FARS2: variants seen among roughly 807,000 people sequenced by gnomAD.
The protein encoded by FARS2 is phenylalanyl-tRNA synthetase 2, mitochondrial, also known as phenylalanine--tRNA ligase, mitochondrial.
A neutral mutation model predicts 46.4 loss-of-function variants in FARS2; 40 were observed. The ratio of observed to expected loss-of-function variants is 0.86; its 90% confidence interval spans 0.67 to 1.12. The LOEUF (loss-of-function observed/expected upper bound fraction) is 1.12, where lower values mean the gene tolerates loss of function less well. Ranked by LOEUF, FARS2 falls within the 50% of genes most tolerant of loss-of-function variation. FARS2 has a pLI of 0.00. For missense variants in FARS2, 513 were observed against 567.9 expected, an observed-to-expected ratio of 0.90 and a Z score of 0.98; for synonymous variants, 234 against 214.9, an observed-to-expected ratio of 1.09 and a Z score of -0.78.
At chr6:5,623,921 A>C (rs1204100771) in intron 6 of FARS2, among the ~76,000 whole-genome samples, 1 of 152,188 alleles carries the variant, frequency 6.6e-6, no homozygotes, top group African/African-American at 2.4e-5. Context: ...CTGAACTTAA[A>C]GATAGCCTAG....
At chr6:5,316,888 A>C (rs946877002) in intron 1 of FARS2, among the ~76,000 whole-genome samples, 3 of 152,144 alleles carry the variant, frequency 2.0e-5, no homozygotes, top group Admixed American at 6.5e-5. Flanking sequence ...AACTGACCCA[A>C]GGGATGGGAA....
At chr6:5,725,557 A>G (rs966395194) in intron 6 of FARS2, among the ~76,000 whole-genome samples, 1 of 152,236 alleles carries the variant, frequency 6.6e-6, no homozygotes, top group East Asian at 1.9e-4. Flanking sequence ...AACAGAAATA[A>G]TAGTGGTATG....
intron 4 of FARS2, among the ~76,000 whole-genome samples, chr6:5,494,622 C>T (rs759924563): frequency 2.0e-5 from 3 of 152,214 alleles, no homozygotes; most frequent in African/African-American, 4.8e-5. Context: ...TCTCTTCTCT[C>T]TCTTCCTACT....
At chr6:5,370,722 C>G (rs1408965006) in intron 2 of FARS2, among the ~76,000 whole-genome samples, 2 of 152,112 alleles carry the variant, frequency 1.3e-5, no homozygotes, top group African/African-American at 2.4e-5. Context: ...AAGGCTGCCA[C>G]AGAAGATGGG....
chr6:5,661,091 G>A (rs959726531), intron 6 of FARS2, among the ~76,000 whole-genome samples: 27 of 152,338 alleles, frequency 1.8e-4, no homozygotes, highest in African/African-American at 6.3e-4. Flanking sequence ...TGAGGTTGTG[G>A]CGAGGGGATA....
chr6:5,268,722 T>A (rs1765726746), intron 1 of FARS2, among the ~76,000 whole-genome samples: 1 of 152,164 alleles, frequency 6.6e-6, no homozygotes. Flanking sequence ...TAAAGTAGTT[T>A]TTTCCAATTC....
chr6:5,583,184 A>G (rs745570022), intron 5 of FARS2, among the ~76,000 whole-genome samples: 14 of 152,240 alleles, frequency 9.2e-5, no homozygotes, highest in Admixed American at 2.0e-4. Context: ...ACTATGCCTA[A>G]TATATCACTG....
intron 1 of FARS2, among the ~76,000 whole-genome samples, chr6:5,293,450 G>T (rs1281881265): frequency 2.6e-5 from 4 of 152,008 alleles, no homozygotes; most frequent in Non-Finnish European, 5.9e-5. Flanking sequence ...GGGATGGAGG[G>T]ATTATTACTT....
chr6:5,712,977 A>G (rs891981436), intron 6 of FARS2, among the ~76,000 whole-genome samples: 4 of 152,216 alleles, frequency 2.6e-5, no homozygotes, highest in Non-Finnish European at 4.4e-5. Flanking sequence ...TGATCCTTCC[A>G]TCTGATAAGC....
intron 5 of FARS2, among the ~76,000 whole-genome samples, chr6:5,577,357 A>AGT (rs61361841): frequency 3.6e-4 from 54 of 151,124 alleles, no homozygotes; most frequent in South Asian, 1.3e-3. Flanking sequence ...AGAGAGAGTG[A>AGT]GTGTGTGTGT....
chr6:5,396,194 G>A (rs574629958), intron 2 of FARS2, among the ~76,000 whole-genome samples: 1 of 152,266 alleles, frequency 6.6e-6, no homozygotes, highest in African/African-American at 2.4e-5. Flanking sequence ...AAGGTACTGA[G>A]AGATTTTTAA....
At chr6:5,735,073 A>G (rs1359361707) in intron 6 of FARS2, among the ~76,000 whole-genome samples, 1 of 152,258 alleles carries the variant, frequency 6.6e-6, no homozygotes, top group Non-Finnish European at 1.5e-5. Flanking sequence ...GCAAAACAGT[A>G]TTATTAGTTA....
chr6:5,613,391 T>C, intron 6 of FARS2, 71 bp downstream of exon 6: 1 of 1,438,066 alleles, frequency 7.0e-7, no homozygotes, highest in Non-Finnish European at 9.5e-7. Flanking sequence ...AAGCATATCA[T>C]AAAATTTGCT....
At chr6:5,346,368 A>T (rs1757230778) in intron 1 of FARS2, among the ~76,000 whole-genome samples, 1 of 152,188 alleles carries the variant, frequency 6.6e-6, no homozygotes. Context: ...TGGAGTCATT[A>T]AAATTATTTT....
intron 1 of FARS2, among the ~76,000 whole-genome samples, chr6:5,283,113 C>T (rs1766856512): frequency 1.3e-5 from 2 of 152,040 alleles, no homozygotes; most frequent in South Asian, 4.2e-4. Context: ...TGGCCCACAC[C>T]TGTAATCCCA....
At chr6:5,661,588 A>T (rs904217028) in intron 6 of FARS2, among the ~76,000 whole-genome samples, 1 of 152,176 alleles carries the variant, frequency 6.6e-6, no homozygotes, top group Non-Finnish European at 1.5e-5. Flanking sequence ...AGGTTTCAAG[A>T]TGGCAGGAGT....
chr6:5,595,533 C>T (rs187739598), intron 5 of FARS2, among the ~76,000 whole-genome samples: 65 of 152,242 alleles, frequency 4.3e-4, no homozygotes, highest in African/African-American at 1.5e-3. Context: ...TTCCACTGTG[C>T]GCCAGGCACT....
At chr6:5,457,366 G>C (rs1343733889) in intron 4 of FARS2, among the ~76,000 whole-genome samples, 1 of 152,150 alleles carries the variant, frequency 6.6e-6, no homozygotes, top group Non-Finnish European at 1.5e-5. Flanking sequence ...CTTCCTCCCT[G>C]AATCTCTCAG....
At chr6:5,528,003 T>G (rs1008754677) in intron 4 of FARS2, among the ~76,000 whole-genome samples, 1 of 152,198 alleles carries the variant, frequency 6.6e-6, no homozygotes, top group Non-Finnish European at 1.5e-5. Context: ...GTAGATCATA[T>G]GCAAGTCAGT....
Sources: gnomAD v4.1 joint callset for allele counts (sites outside exome capture counted in the v4.1 genomes callset) on GRCh38, gnomAD v4.1.1 for gene constraint, MANE v1.5 for transcripts, NCBI Gene and HGNC (gene_info 2026-07-23, HGNC 2026-07-21) for gene names.